ELP4: variants seen among roughly 807,000 people sequenced by gnomAD.
The protein encoded by ELP4 is elongator complex protein 4.
A neutral mutation model predicts 48.9 loss-of-function variants in ELP4; 51 were observed. The ratio of observed to expected loss-of-function variants is 1.04; its 90% CI spans 0.83 to 1.32. ELP4 has a LOEUF of 1.32. Ranked by LOEUF, ELP4 falls within the 40% of genes most tolerant of loss-of-function variation. ELP4 has a pLI of 0.00. For synonymous variants in ELP4, 210 were observed against 189.2 expected (o/e 1.11, Z -0.90); for missense variants, 519 against 514.6 (o/e 1.01, Z -0.08).
intron 9 of ELP4, among the ~76,000 whole-genome samples, chr11:31,673,510 G>A (rs1351601493): frequency 6.6e-6 from 1 of 151,810 alleles, no homozygotes; most frequent in Non-Finnish European, 1.5e-5. Context: ...TTTATTTTTT[G>A]TAGAGATGGA....
intron 7 of ELP4, chr11:31,646,784 G>A (rs956275359): frequency 1.3e-5 from 2 of 151,052 alleles, no homozygotes; most frequent in Non-Finnish European, 3.0e-5. Flanking sequence ...GCAAAAAATT[G>A]TCTAAGACAT....
intron 6 of ELP4, among the ~76,000 whole-genome samples, chr11:31,630,292 T>G (rs965727268): frequency 1.3e-5 from 2 of 149,650 alleles, no homozygotes; most frequent in Non-Finnish European, 3.0e-5. Flanking sequence ...ATCCCTTCAA[T>G]TGTATTGAAT....
At chr11:31,765,243 T>G (rs1462385273) in intron 9 of ELP4, among the ~76,000 whole-genome samples, 9 of 152,152 alleles carry the variant, frequency 5.9e-5, no homozygotes, top group Non-Finnish European at 1.2e-4. Context: ...GTTAAAAGTT[T>G]TTTAACAAAA....
Position 31,790,095 on chromosome 11 carries a change from T to TAAAAAA in ELP4, c.*6572_*6573insAAAAAA. 3 of 61,282 alleles carry TAAAAAA rather than the reference T, an allele frequency of 4.9e-5. No homozygotes were observed. Among genetic ancestry groups the TAAAAAA allele is most frequent in the Admixed American group, 4.5e-4 (1 of 2,246 alleles). 3.8% of individuals were successfully genotyped at this position (61,282 alleles called of 1,614,324 possible). ...GACATGGAATACAAATTTATAGGTT[T>TAAAAAA]ACAAAAAAAAAAAAAAAAAAAAAAA... On this transcript the variant is annotated 3_prime_UTR_variant, in exon 10 of 10. Transcript: ENST00000640961.
At chr11:31,770,909 C>T (rs1948128651) in intron 9 of ELP4, among the ~76,000 whole-genome samples, 1 of 151,390 alleles carries the variant, frequency 6.6e-6, no homozygotes, top group Admixed American at 6.6e-5. Context: ...CCATTTTAAG[C>T]TTTCCAGGAA....
At chr11:31,594,226 C>G (rs1032718617) in intron 3 of ELP4, among the ~76,000 whole-genome samples, 4 of 152,084 alleles carry the variant, frequency 2.6e-5, no homozygotes, top group Admixed American at 1.3e-4. Context: ...TTCATTTAAT[C>G]AGAGATTATT....
chr11:31,701,591 G>A (rs914873306), intron 9 of ELP4, among the ~76,000 whole-genome samples: 1 of 151,170 alleles, frequency 6.6e-6, no homozygotes, highest in Non-Finnish European at 1.5e-5. Flanking sequence ...CTGTCTCCTG[G>A]GTTCTAAAAC....
chr11:31,519,431 A>G (rs1956175089), intron 1 of ELP4, among the ~76,000 whole-genome samples: 1 of 152,232 alleles, frequency 6.6e-6, no homozygotes, highest in South Asian at 2.1e-4. Context: ...AACAAGTGCT[A>G]AATATAACAT....
chr11:31,593,044 C>T (rs532569642), intron 3 of ELP4, among the ~76,000 whole-genome samples: 1 of 152,260 alleles, frequency 6.6e-6, no homozygotes, highest in East Asian at 1.9e-4. Context: ...AAACCAAATA[C>T]ATTATACTAA....
chr11:31,615,313 A>G (rs1373271506), intron 5 of ELP4, among the ~76,000 whole-genome samples: 1 of 152,050 alleles, frequency 6.6e-6, no homozygotes, highest in Non-Finnish European at 1.5e-5. Flanking sequence ...CAAAAGGTTA[A>G]CGTTAAGAGG....
intron 7 of ELP4, chr11:31,645,729 A>G (rs1358145743): frequency 1.3e-5 from 2 of 151,730 alleles, no homozygotes; most frequent in African/African-American, 4.8e-5. Context: ...GGTCCATGAC[A>G]GGAGTACTCT....
At chr11:31,595,963 C>G (rs761179058) in intron 4 of ELP4, among the ~76,000 whole-genome samples, 1 of 152,152 alleles carries the variant, frequency 6.6e-6, no homozygotes, top group South Asian at 2.1e-4. Flanking sequence ...TTATAAATTG[C>G]TTGTATTTCT....
chr11:31,536,247 T>A (rs1956499632), intron 2 of ELP4, among the ~76,000 whole-genome samples: 1 of 152,174 alleles, frequency 6.6e-6, no homozygotes, highest in Non-Finnish European at 1.5e-5. Context: ...TATGCAGACA[T>A]ATATTTTCAA....
chr11:31,726,715 A>G (rs1372080071), intron 9 of ELP4, among the ~76,000 whole-genome samples: 1 of 152,206 alleles, frequency 6.6e-6, no homozygotes, highest in African/African-American at 2.4e-5. Context: ...TGTTTAGCCC[A>G]GCATTTTTAA....
At chr11:31,510,328 G>C (rs1350717536) in intron 1 of ELP4, 3 of 498,794 alleles carry the variant, frequency 6.0e-6, no homozygotes, top group Non-Finnish European at 1.1e-5. Context: ...TATGGAGATG[G>C]TTTGGCTTTC....
chr11:31,777,430 G>A (rs1948273346), intron 9 of ELP4, among the ~76,000 whole-genome samples: 2 of 152,186 alleles, frequency 1.3e-5, no homozygotes. Context: ...CAGAAACCAT[G>A]AATGGGGCCC....
intron 9 of ELP4, among the ~76,000 whole-genome samples, chr11:31,656,329 A>C: frequency 6.6e-6 from 1 of 151,936 alleles, no homozygotes; most frequent in East Asian, 1.9e-4. Context: ...TTCATTTCAC[A>C]TGCTTCCTGT....
chr11:31,592,785 A>C (rs993053273), intron 3 of ELP4, among the ~76,000 whole-genome samples: 3 of 151,972 alleles, frequency 2.0e-5, no homozygotes, highest in Non-Finnish European at 2.9e-5. Flanking sequence ...TAAATGAGGA[A>C]ATGCTTACCT....
At chr11:31,664,983 G>A (rs1475242142) in intron 9 of ELP4, among the ~76,000 whole-genome samples, 1 of 152,128 alleles carries the variant, frequency 6.6e-6, no homozygotes, top group East Asian at 1.9e-4. Flanking sequence ...TTTTGAACAT[G>A]CAATTGGTCA....
Sources: allele counts gnomAD v4.1 joint callset (sites outside exome capture counted in the v4.1 genomes callset), GRCh38; gene constraint gnomAD v4.1.1; transcripts MANE v1.5; gene names NCBI Gene and HGNC (gene_info 2026-07-23, HGNC 2026-07-21).